Variants in ST6GALNAC3 observed in about 807,000 individuals in gnomAD.
ST6GALNAC3 encodes ST6 N-acetylgalactosaminide alpha-2,6-sialyltransferase 3, also known as alpha-N-acetylgalactosaminide alpha-2,6-sialyltransferase 3.
In ST6GALNAC3, 25 loss-of-function variants were observed where a neutral mutation model predicts 32.7. The ratio of observed to expected loss-of-function variants is 0.76; its 90% confidence interval spans 0.56 to 1.07. ST6GALNAC3 has a LOEUF of 1.07. ST6GALNAC3 is among the 50% of genes least tolerant of loss of function. The pLI is 0.00. For missense variants in ST6GALNAC3, 355 were observed against 382.4 expected, an observed-to-expected ratio of 0.93 and a Z score of 0.60; for synonymous variants, 129 against 133.1, an observed-to-expected ratio of 0.97 and a Z score of 0.21.
intron 1 of ST6GALNAC3, among the ~76,000 whole-genome samples, chr1:76,193,135 A>C (rs778875458): frequency 2.0e-4 from 31 of 152,272 alleles, no homozygotes; most frequent in Middle Eastern, 3.4e-3. Flanking sequence ...CTAATAATAA[A>C]AGTAGATTCT....
At chr1:76,382,133 G>A (rs1440991688) in intron 2 of ST6GALNAC3, among the ~76,000 whole-genome samples, 1 of 152,102 alleles carries the variant, frequency 6.6e-6, no homozygotes, top group African/African-American at 2.4e-5. Flanking sequence ...GATAACCTGT[G>A]TATGTTCTGT....
chr1:76,168,287 G>T (rs1652256395), intron 1 of ST6GALNAC3, among the ~76,000 whole-genome samples: 1 of 152,130 alleles, frequency 6.6e-6, no homozygotes, highest in Admixed American at 6.5e-5. Context: ...TCATGTAATT[G>T]TATGGTTTTG....
chr1:76,131,473 G>A (rs1649604996), intron 1 of ST6GALNAC3, among the ~76,000 whole-genome samples: 2 of 152,132 alleles, frequency 1.3e-5, no homozygotes, highest in East Asian at 1.9e-4. Context: ...CTTGCCCCTG[G>A]GAAATTGAGA....
chr1:76,296,517 C>A (rs2100834219), intron 1 of ST6GALNAC3, among the ~76,000 whole-genome samples: 1 of 152,230 alleles, frequency 6.6e-6, no homozygotes, highest in South Asian at 2.1e-4. Flanking sequence ...TCTGCAAATT[C>A]CTGTTGCCTT....
chr1:76,592,498 A>C (rs1290642136), intron 3 of ST6GALNAC3, among the ~76,000 whole-genome samples: 1 of 152,110 alleles, frequency 6.6e-6, no homozygotes, highest in African/African-American at 2.4e-5. Context: ...GCATGAGGGA[A>C]CTGTCCTGAT....
chr1:76,509,905 C>CT lies in ST6GALNAC3; in HGVS notation c.623+97493dup, dbSNP rs1253541751. ...TTAATTTAATTGCACCTATGAAGTCCTTTTTGGCATGTAAAGCAACATATT... is the reference window on the plus strand; with the variant it reads ...TTAATTTAATTGCACCTATGAAGTCCTTTTTTGGCATGTAAAGCAACATATT... On this transcript the variant is annotated intron_variant, in intron 3 of 4. Coordinates refer to ENST00000328299, the MANE Select transcript of ST6GALNAC3 (RefSeq NM_152996.4). This position sits in a 1 kb window ranked among gnomAD's most constrained non-coding sequence, Gnocchi z 5.5. 6.6e-6 allele frequency among the ~76,000 whole-genome samples: 1 copy of CT among 152,132 alleles called. No individual in the cohort carries two copies. Among genetic ancestry groups the CT allele is most frequent in the Non-Finnish European group, 1.5e-5 (1 of 68,020 alleles).
intron 3 of ST6GALNAC3, among the ~76,000 whole-genome samples, chr1:76,475,200 A>C (rs1051685750): frequency 6.6e-6 from 1 of 152,160 alleles, no homozygotes; most frequent in African/African-American, 2.4e-5. Context: ...GTCTCTTTAA[A>C]AGGGAGACAG....
chr1:76,229,298 C>G (rs1179611471), intron 1 of ST6GALNAC3, among the ~76,000 whole-genome samples: 1 of 152,108 alleles, frequency 6.6e-6, no homozygotes, highest in Non-Finnish European at 1.5e-5. Flanking sequence ...GGCAGCTTCC[C>G]TAATTTTGTG....
intron 1 of ST6GALNAC3, among the ~76,000 whole-genome samples, chr1:76,308,717 G>A (rs78536164): frequency 6.6e-6 from 1 of 152,130 alleles, no homozygotes; most frequent in African/African-American, 2.4e-5. Context: ...GTCTTAAATG[G>A]TAATTCAAAT....
rs767050992 is a variant in ST6GALNAC3 at position 76,074,934 on chromosome 1, T to G, written c.18+50T>G. ...GACGCGTGGTTGGCCAGCCCCTTGC[T>G]GCTCAGAGGCACGGAGTCAGCCGCG... On this transcript the variant is annotated intron_variant, in intron 1 of 4. Coordinates refer to ENST00000328299, the MANE Select transcript of ST6GALNAC3 (RefSeq NM_152996.4). 3.2e-6 allele frequency: 5 copies of G among 1,571,994 alleles called. No individual in the cohort carries two copies. The South Asian group carries it at 5.9e-5, about 18-fold the overall frequency.
At chr1:76,528,050 A>G (rs531206021) in intron 3 of ST6GALNAC3, among the ~76,000 whole-genome samples, 10 of 152,278 alleles carry the variant, frequency 6.6e-5, no homozygotes, top group African/African-American at 2.4e-4. Flanking sequence ...GGTAAAGATC[A>G]TTATGTGTTA....
chr1:76,586,505 CCTA>C (rs1646964553), intron 3 of ST6GALNAC3, among the ~76,000 whole-genome samples: 1 of 152,216 alleles, frequency 6.6e-6, no homozygotes, highest in African/African-American at 2.4e-5. Flanking sequence ...CTATCTCTCT[CCTA>C]CTCCTATTAT....
intron 1 of ST6GALNAC3, among the ~76,000 whole-genome samples, chr1:76,138,920 C>T (rs896040170): frequency 6.6e-6 from 1 of 152,102 alleles, no homozygotes; most frequent in Non-Finnish European, 1.5e-5. Context: ...ACTGGCCGGG[C>T]GCAGTGGCTC....
Position 76,629,716 on chromosome 1 carries a change from A to T in ST6GALNAC3, c.*910A>T. ...TCAACATCCAACAACACAAAACTAT[A>T]TGATTTTTAAAATCATGAAATAGAG... On this transcript the variant is annotated 3_prime_UTR_variant, in exon 5 of 5. Coordinates refer to ENST00000328299, the MANE Select transcript of ST6GALNAC3 (RefSeq NM_152996.4). 12 of 984,784 alleles carry T rather than the reference A, an allele frequency of 1.2e-5. No individual in the cohort carries two copies. Among genetic ancestry groups the T allele is most frequent in the Non-Finnish European group, 1.4e-5 (12 of 829,020 alleles). 61.0% of individuals were successfully genotyped at this position (984,784 alleles called of 1,614,324 possible).
chr1:76,185,902 T>G (rs1323334920), intron 1 of ST6GALNAC3, among the ~76,000 whole-genome samples: 4 of 152,230 alleles, frequency 2.6e-5, no homozygotes, highest in Non-Finnish European at 5.9e-5. Context: ...TAACAAGTAT[T>G]TAGCATTTAT....
rs1664504347 is a variant in ST6GALNAC3, at chr1:76,549,627, G to A, written c.624-77825G>A. 2.0e-5 allele frequency among the ~76,000 whole-genome samples: 3 copies of A among 152,076 alleles called. No homozygotes were observed. The South Asian group carries it at 6.3e-4, about 32-fold the overall frequency. ...TGTTTACAGTCTTCCCCTGTAATAG[G>A]TAATGCCACATACAATTAACATTCT... On this transcript the variant is annotated intron_variant, in intron 3 of 4. Coordinates refer to ENST00000328299, the MANE Select transcript of ST6GALNAC3 (RefSeq NM_152996.4).
rs144129603 is a variant in ST6GALNAC3, at chr1:76,191,721, G to A, written c.18+116837G>A. ...AAGAAGAGGTGGCTGAGGTCCCTGG[G>A]GAGCTAGAGGGCTGAGATGTGGTCA... On this transcript the variant is annotated intron_variant, in intron 1 of 4. Coordinates refer to ENST00000328299, the MANE Select transcript of ST6GALNAC3 (RefSeq NM_152996.4). Among the ~76,000 whole-genome samples, 417 of 152,194 alleles carry A rather than the reference G, an allele frequency of 2.7e-3. 6 individuals are homozygous for A. The highest frequency in any genetic ancestry group is 9.6e-3 in the African/African-American group (399 of 41,528).
intron 2 of ST6GALNAC3, among the ~76,000 whole-genome samples, chr1:76,341,335 A>C (rs767169453): frequency 3.3e-5 from 5 of 152,034 alleles, no homozygotes; most frequent in Non-Finnish European, 7.4e-5. Flanking sequence ...GTAGTAATTC[A>C]CTTAGGATAA....
intron 3 of ST6GALNAC3, among the ~76,000 whole-genome samples, chr1:76,482,167 C>G (rs1289643572): frequency 1.3e-5 from 2 of 151,718 alleles, no homozygotes; most frequent in Non-Finnish European, 1.5e-5. Flanking sequence ...CACACACACA[C>G]ATGCACTTCA....
Sources: allele counts gnomAD v4.1 joint callset (sites outside exome capture counted in the v4.1 genomes callset), GRCh38; gene constraint gnomAD v4.1.1; non-coding constraint Gnocchi (gnomAD v3.1); transcripts MANE v1.5; gene names NCBI Gene and HGNC (gene_info 2026-07-23, HGNC 2026-07-21).